Variants in MITF observed in about 807,000 individuals in gnomAD.
MITF encodes melanocyte inducing transcription factor, also known as microphthalmia-associated transcription factor.
A neutral mutation model predicts 60.5 loss-of-function variants in MITF; 17 were observed. That is an observed-to-expected ratio of 0.28 (90% CI 0.19 to 0.42). The LOEUF (loss-of-function observed/expected upper bound fraction) is 0.42. Ranked by LOEUF, MITF falls within the 10% of genes least tolerant of loss-of-function variation. The pLI, the probability that MITF is intolerant of heterozygous loss-of-function variation, is 1.00. For missense variants in MITF, 622 were observed against 683.5 expected (o/e 0.91, Z 1.00); for synonymous variants, 260 against 248.5 (o/e 1.05, Z -0.43).
At chr3:69,818,502 A>G (rs1054195069) in intron 1 of MITF, among the ~76,000 whole-genome samples, 21 of 152,104 alleles carry the variant, frequency 1.4e-4, no homozygotes, top group African/African-American at 4.3e-4. Flanking sequence ...CAATTTTCCA[A>G]TATTAATGCT....
intron 2 of MITF, among the ~76,000 whole-genome samples, chr3:69,930,627 G>C (rs937545766): frequency 1.3e-5 from 2 of 152,228 alleles, no homozygotes; most frequent in Non-Finnish European, 2.9e-5. Context: ...TTTGTTGATT[G>C]AATGGTGAAC....
chr3:69,752,041 T>C (rs1253013133), intron 1 of MITF: 1 of 152,260 alleles, frequency 6.6e-6, no homozygotes, highest in Non-Finnish European at 1.5e-5. Context: ...TGATTGCAGG[T>C]TTCCTGAGGC....
chr3:69,874,583 C>T (rs1366265058), intron 1 of MITF, among the ~76,000 whole-genome samples: 3 of 152,292 alleles, frequency 2.0e-5, no homozygotes, highest in East Asian at 3.9e-4. Flanking sequence ...CACAAGTTAC[C>T]GCACAGCCCA....
intron 1 of MITF, among the ~76,000 whole-genome samples, chr3:69,781,261 TTGTTAA>T (rs1401542435): frequency 1.3e-5 from 2 of 152,128 alleles, no homozygotes; most frequent in Non-Finnish European, 2.9e-5. Flanking sequence ...CGTGACCAGG[TTGTTAA>T]TGTTGGGTCC....
chr3:69,919,315 C>T (rs1239116576), intron 2 of MITF, among the ~76,000 whole-genome samples: 2 of 152,150 alleles, frequency 1.3e-5, no homozygotes, highest in South Asian at 2.1e-4. Flanking sequence ...GAGACAAGAA[C>T]TTTGTAGGAA....
intron 1 of MITF, among the ~76,000 whole-genome samples, chr3:69,772,625 T>G (rs2062410689): frequency 6.6e-6 from 1 of 152,174 alleles, no homozygotes; most frequent in Non-Finnish European, 1.5e-5. Context: ...GTCACTTCAT[T>G]CCTTAGTTTA....
At chr3:69,936,963 TTTG>T in intron 2 of MITF, 1 of 489,238 alleles carries the variant, frequency 2.0e-6, no homozygotes. Flanking sequence ...TTTTTTTTTT[TTTG>T]GCCTAGTGTG....
intron 1 of MITF, among the ~76,000 whole-genome samples, chr3:69,794,005 A>C (rs144918703): frequency 1.3e-5 from 2 of 152,332 alleles, no homozygotes; most frequent in African/African-American, 4.8e-5. Context: ...TGAGCAGTTC[A>C]CGAGGCACCC....
chr3:69,808,057 G>C (rs2106980608), intron 1 of MITF, among the ~76,000 whole-genome samples: 1 of 148,372 alleles, frequency 6.7e-6, no homozygotes, highest in South Asian at 2.1e-4. Context: ...AATGGCAAAA[G>C]AATGAGACAT....
At chr3:69,802,199 C>T (rs1549746) in intron 1 of MITF, among the ~76,000 whole-genome samples, 23,608 of 151,934 alleles carry the variant, frequency 0.16, 1,957 homozygotes, top group South Asian at 0.2. Context: ...CAACTGGCAG[C>T]GCAGGGTGTT....
chr3:69,845,859 G>A (rs1315954056), intron 1 of MITF, among the ~76,000 whole-genome samples: 2 of 152,140 alleles, frequency 1.3e-5, no homozygotes, highest in Non-Finnish European at 2.9e-5. Flanking sequence ...TCTTAGAGCC[G>A]CGAGCTTCCT....
Position 69,965,806 on chromosome 3 carries a change from C to T in MITF, c.*558C>T. 4.6e-6 allele frequency: 1 copy of T among 219,054 alleles called. No homozygotes were observed. Among genetic ancestry groups the T allele is most frequent in the East Asian group, 6.4e-5 (1 of 15,690 alleles). 13.6% of individuals were successfully genotyped at this position (219,054 alleles called of 1,614,324 possible). A position where few individuals can be genotyped will look rare whatever the true frequency, so the allele number is the denominator to read the frequency against. On this transcript the variant is annotated 3_prime_UTR_variant, in exon 10 of 10. Transcript: ENST00000352241. ...CAAACTATTTAAAGAAATATGTATT[C>T]TGTAAAAGAAAAAAAAAATGCGGCC...
chr3:69,965,019 C>T lies in MITF; in HGVS notation c.1352C>T (p.Thr451Met), dbSNP rs769488988. 19 of 1,614,016 alleles carry T rather than the reference C, an allele frequency of 1.2e-5. No homozygotes were observed. In the African/African-American group the frequency reaches 1.7e-4, roughly 15 times the overall value. ...DLTCTTTLDL[T>M]DGTITFNNNL... ...ACCTGTACAACAACTCTCGATCTCA[C>T]GGATGGCACCATCACCTTCAACAAC... is the stretch of plus-strand genomic sequence containing the variant. The change falls in exon 10 of 10, where the codon ACG (threonine) becomes ATG (methionine). Residue 451 changes from threonine to methionine, a missense_variant. This residue lies in a region of MITF where 224 missense variants were observed against 209.5 expected (regional missense o/e 1.07). Coordinates refer to ENST00000352241, the MANE Select transcript of MITF (RefSeq NM_001354604.2).
At chr3:69,960,773 C>T (rs981260509) in intron 9 of MITF, among the ~76,000 whole-genome samples, 3 of 152,202 alleles carry the variant, frequency 2.0e-5, no homozygotes, top group African/African-American at 2.4e-5. Context: ...TGGTGCTCCT[C>T]CCGGACGTTG....
At chr3:69,946,043 G>T (rs2066087165) in intron 5 of MITF, among the ~76,000 whole-genome samples, 1 of 152,126 alleles carries the variant, frequency 6.6e-6, no homozygotes, top group Non-Finnish European at 1.5e-5. Context: ...CTGTAAAGTG[G>T]GAATCCAGTA....
intron 2 of MITF, 120 bp from the exon 3 acceptor site, chr3:69,937,702 A>C: frequency 2.4e-6 from 2 of 838,034 alleles, no homozygotes; most frequent in Non-Finnish European, 4.0e-6. Flanking sequence ...TACATAACAA[A>C]GGCTTAATAA....
chr3:69,765,619 A>T, intron 1 of MITF, among the ~76,000 whole-genome samples: 1 of 152,204 alleles, frequency 6.6e-6, no homozygotes, highest in Admixed American at 6.5e-5. Context: ...TATGTGCTGG[A>T]ATATTTGCTG....
intron 6 of MITF, among the ~76,000 whole-genome samples, chr3:69,949,470 G>A (rs541131511): frequency 4.0e-4 from 61 of 152,000 alleles, no homozygotes; most frequent in African/African-American, 1.4e-3. Context: ...GGGATAGTAG[G>A]CAACTCTTTC....
chr3:69,751,488 A>C (rs60843510), intron 1 of MITF, among the ~76,000 whole-genome samples: 31,557 of 151,262 alleles, frequency 0.21, 3,619 homozygotes, highest in East Asian at 0.48. Flanking sequence ...AAATTTCTGG[A>C]TTCCTTATTT....
Sources: gnomAD v4.1 joint callset for allele counts (sites outside exome capture counted in the v4.1 genomes callset) on GRCh38, gnomAD v4.1.1 for gene constraint, gnomAD v4.1.1 regional missense constraint, MANE v1.5 for transcripts, NCBI Gene and HGNC (gene_info 2026-07-23, HGNC 2026-07-21) for gene names.